The following SUPT3H variants were observed in gnomAD, a reference collection of about 807,000 sequenced individuals.
SUPT3H encodes SPT3 homolog, SAGA and STAGA complex component, also known as transcription initiation protein SPT3 homolog.
SUPT3H carries 44 observed loss-of-function variants against 44.3 expected under a neutral mutation model. The observed-to-expected ratio is 0.99, with a 90% CI of 0.78 to 1.28. The LOEUF (loss-of-function observed/expected upper bound fraction) is 1.28. Among genes scored for constraint, SUPT3H ranks in the 50% most tolerant of loss-of-function variants. The pLI is 0.00. For missense variants in SUPT3H, 380 were observed against 387.1 expected (o/e 0.98, Z 0.15); for synonymous variants, 124 against 125.6 (o/e 0.99, Z 0.09).
rs1812365347 is a variant in SUPT3H at position 45,178,172 on chromosome 6, C to G, written c.102-72166G>C. 2.0e-5 allele frequency among the ~76,000 whole-genome samples: 3 copies of G among 151,964 alleles called. No individual in the cohort carries two copies. The South Asian group carries it at 6.3e-4, about 32-fold the overall frequency. On this transcript the variant is annotated intron_variant, in intron 2 of 10. Transcript: ENST00000371459. ...CCATCAGTGTGCTGTATTTAGGAAA[C>G]CCATCTCATGTGCAGAGACACACAT...
At chr6:45,201,970 T>C (rs1940283517) in intron 2 of SUPT3H, among the ~76,000 whole-genome samples, 1 of 151,948 alleles carries the variant, frequency 6.6e-6, no homozygotes, top group African/African-American at 2.4e-5. Context: ...AGTAGTAGAA[T>C]ATGCACGACT....
intron 2 of SUPT3H, among the ~76,000 whole-genome samples, chr6:45,127,528 G>A (rs957949286): frequency 6.6e-6 from 1 of 151,978 alleles, no homozygotes; most frequent in African/African-American, 2.4e-5. Context: ...TCACAAATAT[G>A]GTAAAATTAC....
chr6:45,005,593 C>T (rs920919668), intron 5 of SUPT3H, among the ~76,000 whole-genome samples: 14 of 150,644 alleles, frequency 9.3e-5, no homozygotes, highest in East Asian at 2.0e-4. Context: ...CACAGCTACT[C>T]GGGAGGCTGA....
At chr6:44,864,517 T>C (rs1192961725) in intron 10 of SUPT3H, among the ~76,000 whole-genome samples, 1 of 152,210 alleles carries the variant, frequency 6.6e-6, no homozygotes, top group East Asian at 1.9e-4. Context: ...CATCCAGGTA[T>C]TTCCCTACAT....
chr6:45,025,071 T>C (rs889399946), intron 3 of SUPT3H, among the ~76,000 whole-genome samples: 7 of 152,206 alleles, frequency 4.6e-5, no homozygotes, highest in East Asian at 1.9e-4. Flanking sequence ...ATCCTTATAA[T>C]AATACATAAA....
At chr6:45,184,806 C>T (rs1028217844) in intron 2 of SUPT3H, among the ~76,000 whole-genome samples, 19 of 141,956 alleles carry the variant, frequency 1.3e-4, no homozygotes, top group African/African-American at 5.2e-4. Context: ...AAAAAAAACT[C>T]CAAGGAAAGC....
At chr6:45,038,402 C>A (rs1195740750) in intron 3 of SUPT3H, among the ~76,000 whole-genome samples, 2 of 152,220 alleles carry the variant, frequency 1.3e-5, no homozygotes, top group Admixed American at 1.3e-4. Context: ...GTCTAACACC[C>A]ACCAACAGCT....
chr6:44,906,315 A>T (rs1346787444), intron 10 of SUPT3H, among the ~76,000 whole-genome samples: 3 of 152,224 alleles, frequency 2.0e-5, no homozygotes, highest in Non-Finnish European at 4.4e-5. Flanking sequence ...TAATATGAGT[A>T]ATTTTTCACC....
At chr6:45,145,315 T>C (rs959604696) in intron 2 of SUPT3H, among the ~76,000 whole-genome samples, 4 of 151,952 alleles carry the variant, frequency 2.6e-5, no homozygotes, top group East Asian at 1.9e-4. Flanking sequence ...GCTATAAAAA[T>C]AGGCACATAG....
intron 2 of SUPT3H, among the ~76,000 whole-genome samples, chr6:45,263,300 G>A (rs1221250076): frequency 6.6e-6 from 1 of 152,136 alleles, no homozygotes; most frequent in Non-Finnish European, 1.5e-5. Context: ...ATACCACACA[G>A]CAATAAAAAG....
intron 2 of SUPT3H, among the ~76,000 whole-genome samples, chr6:45,305,377 G>A (rs75518301): frequency 0.15 from 23,040 of 152,112 alleles, 2,259 homozygotes; most frequent in Admixed American, 0.27. Context: ...ATGAATGGTC[G>A]TGTTTTGAAA....
chr6:45,075,871 A>G (rs1344220644), intron 3 of SUPT3H, among the ~76,000 whole-genome samples: 1 of 152,094 alleles, frequency 6.6e-6, no homozygotes, highest in Non-Finnish European at 1.5e-5. Flanking sequence ...AATAATAATG[A>G]TCTAAAATTA....
chr6:45,184,945 C>A (rs1184983569), intron 2 of SUPT3H, among the ~76,000 whole-genome samples: 1 of 152,166 alleles, frequency 6.6e-6, no homozygotes, highest in East Asian at 1.9e-4. Flanking sequence ...CCAAATGGTA[C>A]ATTAAATTTC....
intron 3 of SUPT3H, among the ~76,000 whole-genome samples, chr6:45,102,107 AG>A (rs1381024755): frequency 6.6e-6 from 1 of 152,206 alleles, no homozygotes; most frequent in East Asian, 1.9e-4. Flanking sequence ...AACTGAAAAA[AG>A]AAAACAAAAC....
chr6:44,974,243 A>T (rs1777996313), intron 6 of SUPT3H, among the ~76,000 whole-genome samples: 1 of 151,996 alleles, frequency 6.6e-6, no homozygotes, highest in Non-Finnish European at 1.5e-5. Flanking sequence ...TCATATATAC[A>T]TGTTTGTATA....
rs531335918 is a variant in SUPT3H at position 45,352,480 on chromosome 6, GGTATGACA to G, written c.101+12713_101+12720del. Among the ~76,000 whole-genome samples, 632 of 151,990 alleles carry G rather than the reference GGTATGACA, an allele frequency of 4.2e-3. 3 individuals carry two copies. Among genetic ancestry groups the G allele is most frequent in the Non-Finnish European group, 7.1e-3 (482 of 67,926 alleles). On this transcript the variant is annotated intron_variant, in intron 2 of 10. Transcript: ENST00000371459. Reference sequence around the variant, plus strand: ...AGAAGGTGAAACATTGCTGGAGTCTGGTATGACAGCAACAAAATTACCAGCCAAGGGGA... The same window carrying G: ...AGAAGGTGAAACATTGCTGGAGTCTGGCAACAAAATTACCAGCCAAGGGGA...
Position 45,003,741 on chromosome 6 carries a change from T to A in SUPT3H, c.416A>T (p.Asp139Val). 6.2e-7 allele frequency: 1 copy of A among 1,613,844 alleles called. No individual in the cohort carries two copies. The highest frequency in any genetic ancestry group is 8.5e-7 in the Non-Finnish European group (1 of 1,179,850). Reference protein sequence around the residue: ...NANKRQKIAQDFLNSIDQTGE... With the variant: ...NANKRQKIAQVFLNSIDQTGE... ...TGTCTGGTCAATAGAGTTGAGGAAG[T>A]CCTGAGCAATCTTTTGTCTTTTGTT... Residue 139 changes from aspartate to valine, a missense_variant, in exon 6 of 11, where the codon GAC becomes GTC. Physicochemically the swap from Asp to Val is radical, Grantham distance 152. Coordinates refer to ENST00000371459, the MANE Select transcript of SUPT3H (RefSeq NM_003599.4).
At position 45,247,478 on chromosome 6, in the gene SUPT3H, G is replaced by A. The variant is rs190727103; in HGVS notation, c.101+117723C>T. Among the ~76,000 whole-genome samples, 75 of 152,078 alleles carry A rather than the reference G, an allele frequency of 4.9e-4. 2 individuals carry two copies. In the East Asian group the frequency reaches 0.012, roughly 25 times the overall value. On this transcript the variant is annotated intron_variant, in intron 2 of 10. Transcript: ENST00000371459. ...TGGAGTCAAGTATTTTACTAGTTAT[G>A]GCTAGTCATGCAGGTACCATGTGCC...
chr6:45,152,473 A>G (rs1807105763), intron 2 of SUPT3H, among the ~76,000 whole-genome samples: 1 of 151,970 alleles, frequency 6.6e-6, no homozygotes, highest in Non-Finnish European at 1.5e-5. Context: ...TGTTTCCTCC[A>G]CAAAGCAGCT....
Sources: allele counts gnomAD v4.1 joint callset (sites outside exome capture counted in the v4.1 genomes callset), GRCh38; gene constraint gnomAD v4.1.1; transcripts MANE v1.5; gene names NCBI Gene and HGNC (gene_info 2026-07-23, HGNC 2026-07-21).